ZFPM1: variants seen among roughly 807,000 people sequenced by gnomAD.
ZFPM1 encodes zinc finger protein ZFPM1.
Under a neutral mutation model 46.3 loss-of-function variants are expected in ZFPM1, and 28 were observed. That is an observed-to-expected ratio of 0.60 (90% CI 0.45 to 0.83). The LOEUF is 0.83. Ranked by LOEUF, ZFPM1 falls within the 40% of genes least tolerant of loss-of-function variation. The pLI is 0.00. For missense variants in ZFPM1, 1,878 were observed against 1,432.4 expected (o/e 1.31, Z -5.02); for synonymous variants, 957 against 675.9 (o/e 1.42, Z -6.45).
intron 1 of ZFPM1, among the ~76,000 whole-genome samples, chr16:88,463,067 C>T (rs988615420): frequency 6.6e-6 from 1 of 152,214 alleles, no homozygotes; most frequent in African/African-American, 2.4e-5. Context: ...GCACCTGCAC[C>T]CATCACCGCC....
chr16:88,467,873 C>T (rs1354366092), intron 1 of ZFPM1, among the ~76,000 whole-genome samples: 1 of 152,142 alleles, frequency 6.6e-6, no homozygotes, highest in Non-Finnish European at 1.5e-5. Flanking sequence ...GCGTGCTGTG[C>T]GGTGGAGGAG....
rs1439166526 is a variant in ZFPM1 at position 88,473,381 on chromosome 16, A to G, written c.41-12558A>G. 3.3e-5 allele frequency among the ~76,000 whole-genome samples: 5 copies of G among 152,304 alleles called. No homozygotes were observed. The East Asian group carries it at 9.7e-4, about 29-fold the overall frequency. On this transcript the variant is annotated intron_variant, in intron 1 of 9. Coordinates refer to ENST00000319555, the MANE Select transcript of ZFPM1 (RefSeq NM_153813.3). Reference sequence around the variant, plus strand: ...GACCCTCAGGCCTCAGCCCAGCTGTACAGCCACTGATGAGGGGCCCCTCTC... The same window carrying G: ...GACCCTCAGGCCTCAGCCCAGCTGTGCAGCCACTGATGAGGGGCCCCTCTC...
At chr16:88,500,045 G>C (rs948395446) in intron 3 of ZFPM1, among the ~76,000 whole-genome samples, 1 of 152,218 alleles carries the variant, frequency 6.6e-6, no homozygotes, top group Non-Finnish European at 1.5e-5. Context: ...GAGGCTATCT[G>C]TGGCCAGGGC....
At chr16:88,477,963 C>G (rs1908758379) in intron 1 of ZFPM1, among the ~76,000 whole-genome samples, 1 of 138,588 alleles carries the variant, frequency 7.2e-6, no homozygotes, top group South Asian at 2.7e-4. Context: ...AGGCCGACCT[C>G]GGAGGGGAGA....
At chr16:88,491,031 G>A (rs1233736563) in intron 3 of ZFPM1, among the ~76,000 whole-genome samples, 1 of 149,678 alleles carries the variant, frequency 6.7e-6, no homozygotes, top group Non-Finnish European at 1.5e-5. Context: ...CTCTCGGTCA[G>A]GCGCTGGTGC....
chr16:88,507,775 TGCACCCAG>T (rs1329320599), intron 3 of ZFPM1, among the ~76,000 whole-genome samples: 2 of 152,162 alleles, frequency 1.3e-5, no homozygotes, highest in East Asian at 3.9e-4. Context: ...ACCTCACCCA[TGCACCCAG>T]GCATTCGGAT....
intron 1 of ZFPM1, among the ~76,000 whole-genome samples, chr16:88,479,845 G>C (rs55880988): frequency 4.5e-4 from 29 of 64,938 alleles, no homozygotes; most frequent in South Asian, 1.2e-3. Flanking sequence ...TCCCCTCCCC[G>C]TCCCTCCCTC....
chr16:88,503,945 G>A (rs1910515605), intron 3 of ZFPM1, among the ~76,000 whole-genome samples: 1 of 151,858 alleles, frequency 6.6e-6, no homozygotes. Context: ...CCATTCTTGG[G>A]GGTAGCAGTG....
At chr16:88,487,956 C>G (rs974232291) in intron 2 of ZFPM1, among the ~76,000 whole-genome samples, 1 of 152,248 alleles carries the variant, frequency 6.6e-6, no homozygotes, top group East Asian at 1.9e-4. Flanking sequence ...CCGCCGTCCC[C>G]GTCGGCACAC....
At chr16:88,525,132 A>G (rs1162842332) in intron 4 of ZFPM1, among the ~76,000 whole-genome samples, 1 of 152,214 alleles carries the variant, frequency 6.6e-6, no homozygotes, top group East Asian at 1.9e-4. Context: ...ATGGGCCAAG[A>G]GGCAGGGGTG....
intron 2 of ZFPM1, among the ~76,000 whole-genome samples, chr16:88,488,469 G>A (rs1300405354): frequency 6.6e-6 from 1 of 152,230 alleles, no homozygotes; most frequent in Non-Finnish European, 1.5e-5. Flanking sequence ...CAGCCACTTT[G>A]ATTTATAGCC....
In ZFPM1 at chr16:88,533,774, C is replaced by T. The variant is rs1393010776; in HGVS notation, c.1816C>T (p.Pro606Ser). 1 of 1,395,874 alleles carries T rather than the reference C, an allele frequency of 7.2e-7. No homozygotes were observed. Among genetic ancestry groups the T allele is most frequent in the African/African-American group, 1.6e-5 (1 of 64,112 alleles). The allele number at this position is 1,395,874 out of a possible 1,614,324, so 86.5% of individuals were successfully genotyped here. Residue 606 changes from proline (P) to serine (S), a missense_variant, in exon 10 of 10, where the codon CCC (proline) becomes TCC (serine). Physicochemically the swap from Pro to Ser is moderately conservative, Grantham distance 74. Coordinates refer to ENST00000319555, the MANE Select transcript of ZFPM1 (RefSeq NM_153813.3). ...KRLYCSGRRA[P>S]EDAPAARRPK... ...CCTCTACTGTTCAGGCCGCCGTGCG[C>T]CCGAGGACGCGCCTGCCGCGCGCAG...
At chr16:88,489,875 C>T (rs892713133) in intron 3 of ZFPM1, among the ~76,000 whole-genome samples, 3 of 151,222 alleles carry the variant, frequency 2.0e-5, no homozygotes, top group East Asian at 2.0e-4. Flanking sequence ...ACCGCAGTAG[C>T]GTCTGGGGTG....
At position 88,533,683 on chromosome 16, in the gene ZFPM1, G is replaced by A. The variant is rs1466679622; in HGVS notation, c.1725G>A (p.Lys575=). 6.7e-7 allele frequency: 1 copy of A among 1,497,650 alleles called. No individual in the cohort carries two copies. The highest frequency in any genetic ancestry group is 1.2e-5 in the South Asian group (1 of 82,814). 92.8% of individuals were successfully genotyped at this position (1,497,650 alleles called of 1,614,324 possible). The change falls in exon 10 of 10, where the codon AAG becomes AAA. Residue 575 remains lysine, a synonymous_variant. Coordinates refer to ENST00000319555, the MANE Select transcript of ZFPM1 (RefSeq NM_153813.3). ...AQTGLFPGAP[K]GATCFECEIT... is the part of the protein sequence containing the mutation. ...CCGGGCTCTTCCCCGGGGCCCCCAA[G>A]GGCGCTACGTGCTTCGAGTGCGAGA...
At chr16:88,509,870 A>C (rs1256175279) in intron 3 of ZFPM1, among the ~76,000 whole-genome samples, 1 of 152,078 alleles carries the variant, frequency 6.6e-6, no homozygotes, top group Non-Finnish European at 1.5e-5. Flanking sequence ...GCTTGCTGCC[A>C]CACGCGCGTC....
In ZFPM1 at chr16:88,526,916, GGTCA is replaced by G; in HGVS notation, c.505+3_505+6del. On this transcript the variant is annotated splice_donor_variant and splice_donor_region_variant and intron_variant, in intron 5 of 9. Transcript: ENST00000319555. LOFTEE classifies it high-confidence loss of function. ...GGCCAACACAGAGATCCACAGGAAG[GGTCA>G]GTATGACGCGGCACCTCCGTCCCAA... is the stretch of plus-strand genomic sequence containing the variant. 6.4e-7 allele frequency: 1 copy of G among 1,569,838 alleles called. No individual in the cohort carries two copies.
Position 88,532,245 on chromosome 16 carries a change from C to G in ZFPM1, c.946+10C>G. 1 of 1,586,456 alleles carries G rather than the reference C, an allele frequency of 6.3e-7. No individual in the cohort carries two copies. Among genetic ancestry groups the G allele is most frequent in the Non-Finnish European group, 8.6e-7 (1 of 1,163,004 alleles). ...ATGCGCAGCCACAGCGGTGAGCCCC[C>G]ACCCCGGACGCGGGTCCTCAGGATG... On this transcript the variant is annotated intron_variant, in intron 7 of 9. Transcript: ENST00000319555.
At chr16:88,458,557 G>C (rs1333083381) in intron 1 of ZFPM1, among the ~76,000 whole-genome samples, 1 of 152,182 alleles carries the variant, frequency 6.6e-6, no homozygotes, top group Non-Finnish European at 1.5e-5. Context: ...GACGTTCCTG[G>C]GCTTGACGGG....
At chr16:88,530,192 C>T (rs530555158) in intron 6 of ZFPM1, among the ~76,000 whole-genome samples, 3 of 152,262 alleles carry the variant, frequency 2.0e-5, no homozygotes, top group Admixed American at 1.3e-4. Context: ...GGGAACACCC[C>T]GCTGATAACG....
Sources: allele counts gnomAD v4.1 joint callset (sites outside exome capture counted in the v4.1 genomes callset), GRCh38; gene constraint gnomAD v4.1.1; transcripts MANE v1.5; gene names NCBI Gene and HGNC (gene_info 2026-07-23, HGNC 2026-07-21).